Variants in ALOX5 observed in about 807,000 individuals in gnomAD.
ALOX5 encodes arachidonate 5-lipoxygenase, also known as polyunsaturated fatty acid 5-lipoxygenase.
ALOX5 carries 64 observed loss-of-function variants against 87.9 expected under a neutral mutation model. That is an observed-to-expected ratio of 0.73 (90% CI 0.60 to 0.90). The LOEUF (loss-of-function observed/expected upper bound fraction) is 0.90, where lower values mean the gene tolerates loss of function less well. Among genes scored for constraint, ALOX5 ranks in the 40% least tolerant of loss-of-function variants. The probability of loss-of-function intolerance (pLI) is 0.00; values close to 1 mark genes in which losing one functional copy is unlikely to be tolerated. For missense variants in ALOX5, 822 were observed against 907.5 expected, an observed-to-expected ratio of 0.91 and a Z score of 1.21; for synonymous variants, 388 against 355.1, an observed-to-expected ratio of 1.09 and a Z score of -1.04.
At chr10:45,434,994 C>T (rs536492592) in intron 7 of ALOX5, among the ~76,000 whole-genome samples, 1 of 152,336 alleles carries the variant, frequency 6.6e-6, no homozygotes, top group South Asian at 2.1e-4. Flanking sequence ...AAAGCTACTT[C>T]CTTACCCAAA....
In ALOX5 at chr10:45,409,509, GTCTC is replaced by G. The variant is rs71515351; in HGVS notation, c.432-2660_432-2657del. ...CCCCTTAGGATCTCTCTGTCTGTCT[GTCTC>G]TCTCTCTCTCTCTCTCTCTCTGTCT... On this transcript the variant is annotated intron_variant, in intron 3 of 13. Coordinates refer to ENST00000374391, the MANE Select transcript of ALOX5 (RefSeq NM_000698.5). Among the ~76,000 whole-genome samples the G allele has an allele frequency of 8.9e-3, 1,150 of 129,882 alleles. 28 individuals are homozygous for G. Among genetic ancestry groups the G allele is most frequent in the East Asian group, 0.065 (283 of 4,350 alleles). 85.2% of individuals were successfully genotyped at this position (129,882 alleles called of 152,430 possible).
intron 4 of ALOX5, among the ~76,000 whole-genome samples, chr10:45,422,058 A>C (rs765790468): frequency 4.6e-5 from 7 of 152,158 alleles, no homozygotes; most frequent in African/African-American, 7.2e-5. Context: ...GCATTTGCTA[A>C]GCTAAGAAAG....
chr10:45,442,888 C>T (rs1197680276), intron 9 of ALOX5, 150 bp from the exon 10 acceptor site: 9 of 793,136 alleles, frequency 1.1e-5, no homozygotes, highest in African/African-American at 7.0e-5. Context: ...TCATTCTCTG[C>T]GTTAAACATC....
At chr10:45,409,005 T>G (rs924744894) in intron 3 of ALOX5, among the ~76,000 whole-genome samples, 1 of 152,214 alleles carries the variant, frequency 6.6e-6, no homozygotes, top group East Asian at 1.9e-4. Flanking sequence ...AGTTTCTCTG[T>G]ACATAGTGAA....
At chr10:45,438,271 A>G (rs984860711) in intron 7 of ALOX5, among the ~76,000 whole-genome samples, 2 of 151,836 alleles carry the variant, frequency 1.3e-5, no homozygotes, top group African/African-American at 4.8e-5. Flanking sequence ...ATTGCTTCCA[A>G]TTTTTGCCTG....
intron 13 of ALOX5, chr10:45,444,611 C>A: frequency 2.9e-6 from 1 of 347,064 alleles, no homozygotes; most frequent in Non-Finnish European, 5.2e-6. Flanking sequence ...AGGGAATGAC[C>A]AAGAGTTTCC....
intron 4 of ALOX5, among the ~76,000 whole-genome samples, chr10:45,421,933 A>G (rs939261083): frequency 6.6e-6 from 1 of 152,206 alleles, no homozygotes; most frequent in African/African-American, 2.4e-5. Flanking sequence ...TCATCCTGAC[A>G]CATGAGGAGA....
At chr10:45,410,960 TC>T (rs1172623936) in intron 3 of ALOX5, among the ~76,000 whole-genome samples, 2 of 152,246 alleles carry the variant, frequency 1.3e-5, no homozygotes, top group African/African-American at 4.8e-5. Flanking sequence ...CATGGGCTAC[TC>T]GACTGAGCAT....
At chr10:45,378,905 A>G (rs1224147397) in intron 1 of ALOX5, among the ~76,000 whole-genome samples, 1 of 152,162 alleles carries the variant, frequency 6.6e-6, no homozygotes, top group African/African-American at 2.4e-5. Flanking sequence ...CAGATGGCAG[A>G]TGGAGTCCTT....
At position 45,428,734 on chromosome 10, in the gene ALOX5, G is replaced by A; in HGVS notation, c.951G>A (p.Leu317=). 6.2e-7 allele frequency: 1 copy of A among 1,613,984 alleles called. No homozygotes were observed. Among genetic ancestry groups the A allele is most frequent in the Non-Finnish European group, 8.5e-7 (1 of 1,180,014 alleles). ...AAPICLLYKN[L]ANKIVPIAIQ... is the part of the protein sequence containing the mutation. ...CCATCTGCTTGCTGTATAAGAACCTGGCCAACAAGATTGTCCCCATTGCCA... is the reference window on the plus strand; with the variant it reads ...CCATCTGCTTGCTGTATAAGAACCTAGCCAACAAGATTGTCCCCATTGCCA... Residue 317 remains leucine, a synonymous_variant, in exon 7 of 14, where the codon CTG becomes CTA. Coordinates refer to ENST00000374391, the MANE Select transcript of ALOX5 (RefSeq NM_000698.5).
At chr10:45,393,916 T>C (rs944189548) in intron 2 of ALOX5, among the ~76,000 whole-genome samples, 23 of 152,262 alleles carry the variant, frequency 1.5e-4, no homozygotes, top group African/African-American at 5.3e-4. Context: ...AAGGACCTCT[T>C]CAAGGAGAAC....
At chr10:45,390,056 A>G (rs1840157253) in intron 2 of ALOX5, among the ~76,000 whole-genome samples, 2 of 152,220 alleles carry the variant, frequency 1.3e-5, no homozygotes, top group Admixed American at 1.3e-4. Context: ...CTCTGATAAA[A>G]CAGACTTTAA....
chr10:45,418,244 G>A (rs1323306016), intron 4 of ALOX5, among the ~76,000 whole-genome samples: 1 of 152,188 alleles, frequency 6.6e-6, no homozygotes, highest in East Asian at 1.9e-4. Flanking sequence ...GCTTAGAGGA[G>A]CCTGTGTGGG....
At chr10:45,415,009 T>C (rs973236802) in intron 4 of ALOX5, among the ~76,000 whole-genome samples, 6 of 152,220 alleles carry the variant, frequency 3.9e-5, no homozygotes, top group African/African-American at 1.4e-4. Context: ...AGTTCAACCA[T>C]TGTGGAAGAC....
Position 45,428,731 on chromosome 10 carries a change from C to G in ALOX5, c.948C>G (p.Asn316Lys). The G allele has an allele frequency of 1.9e-6, 3 of 1,614,060 alleles. No individual in the cohort carries two copies. Among genetic ancestry groups the G allele is most frequent in the Non-Finnish European group, 2.5e-6 (3 of 1,180,030 alleles). ...LAAPICLLYK[N>K]LANKIVPIAI... ...CTCCCATCTGCTTGCTGTATAAGAA[C>G]CTGGCCAACAAGATTGTCCCCATTG... Residue 316 changes from asparagine to lysine, a missense_variant, in exon 7 of 14, where the codon AAC becomes AAG. Physicochemically the swap from Asn to Lys is moderately conservative, Grantham distance 94 (BLOSUM62 0). Transcript: ENST00000374391.
At chr10:45,393,046 C>T (rs1840349768) in intron 2 of ALOX5, among the ~76,000 whole-genome samples, 1 of 152,178 alleles carries the variant, frequency 6.6e-6, no homozygotes, top group South Asian at 2.1e-4. Flanking sequence ...TGGTACCATT[C>T]CTTCTGAAAC....
chr10:45,434,467 C>A (rs1349703908), intron 7 of ALOX5, among the ~76,000 whole-genome samples: 1 of 152,204 alleles, frequency 6.6e-6, no homozygotes, highest in Non-Finnish European at 1.5e-5. Context: ...CCTTCCATGT[C>A]CTCACCATAA....
At chr10:45,395,314 G>T (rs12783895) in intron 2 of ALOX5, among the ~76,000 whole-genome samples, 10,248 of 152,220 alleles carry the variant, frequency 0.067, 465 homozygotes, top group East Asian at 0.18. Context: ...TAGGGACATG[G>T]ATGAAGCTGG....
intron 3 of ALOX5, among the ~76,000 whole-genome samples, chr10:45,406,536 TC>T (rs1361818486): frequency 6.6e-6 from 1 of 152,228 alleles, no homozygotes; most frequent in African/African-American, 2.4e-5. Context: ...CCTCTCTAGA[TC>T]CTGTGTCAAC....
Sources: gnomAD v4.1 joint callset for allele counts (sites outside exome capture counted in the v4.1 genomes callset) on GRCh38, gnomAD v4.1.1 for gene constraint, MANE v1.5 for transcripts, NCBI Gene and HGNC (gene_info 2026-07-23, HGNC 2026-07-21) for gene names.